The following HSPG2 variants were observed in gnomAD, a reference collection of about 807,000 sequenced individuals.
The protein encoded by HSPG2 is heparan sulfate proteoglycan 2.
In HSPG2, 278 loss-of-function variants were observed where a neutral mutation model predicts 526.6. That is an observed-to-expected ratio of 0.53 (90% CI 0.48 to 0.58). The LOEUF (loss-of-function observed/expected upper bound fraction) is 0.58. HSPG2 is among the 20% of genes least tolerant of loss of function. The pLI, the probability that HSPG2 is intolerant of heterozygous loss-of-function variation, is 0.00. For missense variants in HSPG2, 5,354 were observed against 6,099.5 expected (o/e 0.88, Z 4.07); for synonymous variants, 2,465 against 2,555.4 (o/e 0.96, Z 1.07).
intron 13 of HSPG2, 90 bp downstream of exon 13, chr1:21,884,438 C>A: frequency 6.5e-7 from 1 of 1,533,584 alleles, no homozygotes. Context: ...GAAACCTGGC[C>A]CCCTCTGTCC....
Position 21,837,886 on chromosome 1 carries a change from A to G in HSPG2, c.10151-880T>C, listed in dbSNP as rs576498068. Among the ~76,000 whole-genome samples, 5 of 152,242 alleles carry G rather than the reference A, an allele frequency of 3.3e-5. No homozygotes were observed. The East Asian group carries it at 7.7e-4, about 24-fold the overall frequency. ...TGCAGTGGCTCACGCCGGTAATCCC[A>G]GCACTTTGGGAGGCTGAGGTGGGTG... On this transcript the variant is annotated intron_variant, in intron 74 of 96. Coordinates refer to ENST00000374695, the MANE Select transcript of HSPG2 (RefSeq NM_005529.7).
chr1:21,832,599 C>T lies in HSPG2; in HGVS notation c.11103G>A (p.Leu3701=), dbSNP rs902924563. The T allele has an allele frequency of 6.2e-7, 1 of 1,613,732 alleles. No homozygotes were observed. Among genetic ancestry groups the T allele is most frequent in the Non-Finnish European group, 8.5e-7 (1 of 1,179,772 alleles). The change falls in exon 81 of 97, where the codon CTG becomes CTA. Residue 3701 remains leucine, a synonymous_variant. Coordinates refer to ENST00000374695, the MANE Select transcript of HSPG2 (RefSeq NM_005529.7). The part of the protein sequence containing the change: ...TFRPDSADGM[L]LYNGQKRVPG... ...GGACTCGCTTCTGCCCATTGTACAG[C>T]AGCATCCCTGGGTGGGCACCACTGT...
In HSPG2 at chr1:21,847,949, T is replaced by G; in HGVS notation, c.7873+9A>C. 6.2e-7 allele frequency: 1 copy of G among 1,613,832 alleles called. No homozygotes were observed. Among genetic ancestry groups the G allele is most frequent in the Non-Finnish European group, 8.5e-7 (1 of 1,180,018 alleles). ...ACTTGTCTGTACCCCCTGCCCTCTC[T>G]GCTCTCACCGTGGGAGGAACCGCTG... On this transcript the variant is annotated intron_variant, in intron 60 of 96. Coordinates refer to ENST00000374695, the MANE Select transcript of HSPG2 (RefSeq NM_005529.7). This position sits in a 1 kb window ranked among gnomAD's most constrained non-coding sequence, Gnocchi z 4.1.
chr1:21,862,687 CA>C (rs1161258655), intron 37 of HSPG2, among the ~76,000 whole-genome samples: 2 of 151,610 alleles, frequency 1.3e-5, no homozygotes. Context: ...AAATAGCTGT[CA>C]AAAAGGGTGA....
At position 21,824,153 on chromosome 1, in the gene HSPG2, A is replaced by G. The variant is rs2097961239; in HGVS notation, c.12867T>C (p.Asn4289=). ...CTGTCACCCGGTGCCACTCGCCGTC[A>G]TTGATGGGGTCCTCAGAGACCAGGC... The part of the protein sequence containing the change: ...EARLVSEDPI[N]DGEWHRVTAL... Residue 4289 remains asparagine (N), a synonymous_variant, in exon 95 of 97, where the codon AAT becomes AAC. Transcript: ENST00000374695. This position sits in a 1 kb window ranked among gnomAD's most constrained non-coding sequence, Gnocchi z 5.9. The G allele has an allele frequency of 6.2e-7, 1 of 1,613,500 alleles. No individual in the cohort carries two copies. Among genetic ancestry groups the G allele is most frequent in the African/African-American group, 1.3e-5 (1 of 74,902 alleles).
rs762510685 is a variant in HSPG2, at chr1:21,890,603, G to A, written c.336C>T (p.Ser112=). ...DAGSREFREV[S]EAVVDTLESE... is the part of the protein sequence containing the mutation. ...ACCTCACCGTGTCTACCACAGCCTCGGACACCTCTCGGAACTCTCTGGAGC... is the reference window on the plus strand; with the variant it reads ...ACCTCACCGTGTCTACCACAGCCTCAGACACCTCTCGGAACTCTCTGGAGC... Residue 112 remains serine (S), a synonymous_variant, in exon 4 of 97, where the codon TCC becomes TCT. Coordinates refer to ENST00000374695, the MANE Select transcript of HSPG2 (RefSeq NM_005529.7). The surrounding 1 kb of genome is among the most constrained non-coding windows in gnomAD (Gnocchi z 4.1). 3.0e-5 allele frequency: 48 copies of A among 1,613,146 alleles called. No homozygotes were observed. Among genetic ancestry groups the A allele is most frequent in the East Asian group, 2.2e-4 (10 of 44,878 alleles).
At chr1:21,925,550 C>T (rs963522704) in intron 1 of HSPG2, among the ~76,000 whole-genome samples, 1 of 152,204 alleles carries the variant, frequency 6.6e-6, no homozygotes, top group African/African-American at 2.4e-5. Context: ...GGGTCTCAGT[C>T]ACAGGGAAGG....
At position 21,836,999 on chromosome 1, in the gene HSPG2, G is replaced by T; in HGVS notation, c.10158C>A (p.Pro3386=). The T allele has an allele frequency of 6.5e-7, 1 of 1,550,078 alleles. No homozygotes were observed. The highest frequency in any genetic ancestry group is 1.2e-5 in the South Asian group (1 of 84,142). Residue 3386 remains proline (P), a synonymous_variant, in exon 75 of 97, where the codon CCC becomes CCA. Transcript: ENST00000374695. ...AFAQLLVQGP[P]GSLPATSIPA... ...GGATGGAGGTGGCAGGGAGAGAGCCGGGAGGGCCTGCGGGGACATGTATGA... is the reference window on the plus strand; with the variant it reads ...GGATGGAGGTGGCAGGGAGAGAGCCTGGAGGGCCTGCGGGGACATGTATGA...
intron 18 of HSPG2, 151 bp downstream of exon 18, chr1:21,878,843 A>G (rs1251129744): frequency 8.1e-6 from 10 of 1,232,992 alleles, no homozygotes; most frequent in Non-Finnish European, 1.2e-5. Context: ...CAGAAAAGGA[A>G]ACAGAGGCCT....
chr1:21,873,846 G>T, intron 29 of HSPG2, 79 bp downstream of exon 29: 1 of 1,238,406 alleles, frequency 8.1e-7, no homozygotes, highest in Non-Finnish European at 1.1e-6. Flanking sequence ...CCTCTGGGTT[G>T]GGAGCGCTGG....
chr1:21,853,911 G>T (rs923413957), intron 50 of HSPG2: 8 of 495,196 alleles, frequency 1.6e-5, no homozygotes, highest in Non-Finnish European at 2.9e-5. Flanking sequence ...GCAGATCTGG[G>T]ATTTGAACCA....
At chr1:21,899,220 T>C (rs1358643715) in intron 1 of HSPG2, among the ~76,000 whole-genome samples, 2 of 152,046 alleles carry the variant, frequency 1.3e-5, no homozygotes, top group Admixed American at 6.5e-5. Flanking sequence ...AGACTTCATT[T>C]GTAAAAAGCT....
chr1:21,851,193 G>A (rs979356364), intron 55 of HSPG2: 1 of 335,532 alleles, frequency 3.0e-6, no homozygotes, highest in Non-Finnish European at 5.7e-6. Context: ...GGCTGGTCTC[G>A]AACTCCCGAC....
At position 21,847,361 on chromosome 1, in the gene HSPG2, G is replaced by A. The variant is rs748282464; in HGVS notation, c.8157C>T (p.Ser2719=). 22 of 1,613,906 alleles carry A rather than the reference G, an allele frequency of 1.4e-5. No individual in the cohort carries two copies. Among genetic ancestry groups the A allele is most frequent in the Non-Finnish European group, 1.8e-5 (21 of 1,180,030 alleles). The change falls in exon 62 of 97, where the codon AGC becomes AGT. Residue 2719 remains serine (S), a synonymous_variant. Transcript: ENST00000374695. The surrounding 1 kb of genome is among the most constrained non-coding windows in gnomAD (Gnocchi z 4.1). ...TTTCCTAGGCAGACTCACCGGAGGG[G>A]CTGCCGGCGCTAGGGGAGACGGAGA... ...IVISVSPSAG[S]PSAPGSSMPI... is the part of the protein sequence containing the mutation.
intron 1 of HSPG2, among the ~76,000 whole-genome samples, chr1:21,923,826 C>T (rs941661171): frequency 6.6e-6 from 1 of 152,220 alleles, no homozygotes; most frequent in African/African-American, 2.4e-5. Context: ...GCCTCGCATA[C>T]CGCTGTCACT....
Position 21,879,913 on chromosome 1 carries a change from A to T in HSPG2, c.2343+194T>A, listed in dbSNP as rs1641367610. Among the ~76,000 whole-genome samples, 5 of 152,178 alleles carry T rather than the reference A, an allele frequency of 3.3e-5. No homozygotes were observed. In the South Asian group the frequency reaches 1.0e-3, roughly 32 times the overall value. On this transcript the variant is annotated intron_variant, in intron 17 of 96. Coordinates refer to ENST00000374695, the MANE Select transcript of HSPG2 (RefSeq NM_005529.7). ...AGTGATCCACCCATCTAGGCTTCCC[A>T]AAGTGCTGGGATTACAGGCATGAGC... is the stretch of plus-strand genomic sequence containing the variant.
At chr1:21,902,509 T>C (rs1172979590) in intron 1 of HSPG2, among the ~76,000 whole-genome samples, 3 of 152,162 alleles carry the variant, frequency 2.0e-5, no homozygotes, top group Non-Finnish European at 4.4e-5. Context: ...GAAACCAGGC[T>C]CAGAGAGGTA....
intron 1 of HSPG2, among the ~76,000 whole-genome samples, chr1:21,919,714 G>A (rs887901074): frequency 2.6e-5 from 4 of 152,140 alleles, no homozygotes; most frequent in Non-Finnish European, 4.4e-5. Context: ...TTCTGAGTCA[G>A]TAGGTCCAAG....
chr1:21,836,062 A>T (rs1323152379), intron 75 of HSPG2, among the ~76,000 whole-genome samples: 1 of 151,872 alleles, frequency 6.6e-6, no homozygotes. Flanking sequence ...GCAGTGTTGC[A>T]TTCTAGTTTC....
Sources: gnomAD v4.1 joint callset for allele counts (sites outside exome capture counted in the v4.1 genomes callset) on GRCh38, gnomAD v4.1.1 for gene constraint, Gnocchi (gnomAD v3.1) non-coding constraint, MANE v1.5 for transcripts, NCBI Gene and HGNC (gene_info 2026-07-23, HGNC 2026-07-21) for gene names.